The following CEP128 variants were observed in gnomAD, a reference collection of about 807,000 sequenced individuals.
CEP128 encodes the protein centrosomal protein 128.
CEP128 carries 132 observed loss-of-function variants against 156.7 expected under a neutral mutation model. The observed-to-expected ratio is 0.84, with a 90% CI of 0.73 to 0.97. The LOEUF is 0.97. Among genes scored for constraint, CEP128 ranks in the 50% least tolerant of loss-of-function variants. The pLI, the probability that CEP128 is intolerant of heterozygous loss-of-function variation, is 0.00. For missense variants in CEP128, 1,252 were observed against 1,281.9 expected (o/e 0.98, Z 0.36); for synonymous variants, 469 against 448.9 (o/e 1.04, Z -0.57).
rs540593415 is a variant in CEP128 at position 80,563,524 on chromosome 14, C to CTTTTTTTTTTTTTTTTTTTT, written c.2857-4242_2857-4223dup. 1.3e-4 allele frequency among the ~76,000 whole-genome samples: 10 copies of CTTTTTTTTTTTTTTTTTTTT among 78,876 alleles called. 2 individuals are homozygous for CTTTTTTTTTTTTTTTTTTTT. Among genetic ancestry groups the CTTTTTTTTTTTTTTTTTTTT allele is most frequent in the African/African-American group, 4.1e-4 (7 of 16,976 alleles). The allele number at this position is 78,876 out of a possible 152,430, so 51.7% of individuals were successfully genotyped here. ...GAAGCCTACCCATGGGCCTCCAAAT[C>CTTTTTTTTTTTTTTTTTTTT]TTTTTTTTTTTTTTTTTTTTTTTTT... On this transcript the variant is annotated intron_variant, in intron 20 of 24. Transcript: ENST00000555265.
chr14:80,821,735 G>C (rs188980256), intron 13 of CEP128, among the ~76,000 whole-genome samples: 82 of 151,686 alleles, frequency 5.4e-4, no homozygotes, highest in Non-Finnish European at 8.8e-4. Context: ...GAGTGAAGTG[G>C]TGTGAACATG....
intron 13 of CEP128, chr14:80,830,855 T>A (rs1012858042): frequency 5.7e-5 from 17 of 295,946 alleles, no homozygotes; most frequent in Admixed American, 1.9e-4. Context: ...AAGGGTTCAA[T>A]TGCTATTAGA....
chr14:80,567,610 T>C (rs1467540198), intron 20 of CEP128, among the ~76,000 whole-genome samples: 1 of 152,186 alleles, frequency 6.6e-6, no homozygotes, highest in Non-Finnish European at 1.5e-5. Context: ...CACAACGTAA[T>C]GTGGTACATA....
intron 19 of CEP128, among the ~76,000 whole-genome samples, chr14:80,673,925 T>C (rs1047597289): frequency 2.0e-5 from 3 of 152,062 alleles, no homozygotes; most frequent in Non-Finnish European, 2.9e-5. Context: ...TGGTCCTTTA[T>C]AGGAAATTGT....
chr14:80,751,866 G>T (rs186567835), intron 18 of CEP128, among the ~76,000 whole-genome samples: 59 of 152,238 alleles, frequency 3.9e-4, no homozygotes, highest in Non-Finnish European at 7.5e-4. Context: ...CCCAACCTCA[G>T]ATGAACTATC....
At chr14:80,596,844 G>GT (rs1185836912) in intron 19 of CEP128, among the ~76,000 whole-genome samples, 7 of 55,012 alleles carry the variant, frequency 1.3e-4, no homozygotes, top group South Asian at 6.8e-4. Flanking sequence ...AAAAAAAAAG[G>GT]TGGGGGGGGG....
At chr14:80,495,688 A>G (rs1887470115), downstream of CEP128, among the ~76,000 whole-genome samples, 1 of 152,134 alleles carries the variant, frequency 6.6e-6, no homozygotes, top group African/African-American at 2.4e-5. Flanking sequence ...AAATGACCAT[A>G]GATGCACTAA....
intron 19 of CEP128, among the ~76,000 whole-genome samples, chr14:80,656,975 G>A (rs1895198387): frequency 6.6e-6 from 1 of 152,132 alleles, no homozygotes; most frequent in African/African-American, 2.4e-5. Context: ...ATGGTGGCAT[G>A]GTGGCCGGGC....
At chr14:80,767,506 C>T (rs915857353) in intron 16 of CEP128, among the ~76,000 whole-genome samples, 3 of 151,828 alleles carry the variant, frequency 2.0e-5, no homozygotes, top group Admixed American at 6.6e-5. Flanking sequence ...GAAAAATCTC[C>T]GTGGATTTAC....
chr14:80,954,167 G>C (rs931500372), intron 2 of CEP128, among the ~76,000 whole-genome samples: 1 of 152,130 alleles, frequency 6.6e-6, no homozygotes, highest in Admixed American at 6.5e-5. Flanking sequence ...CTACTCGGGA[G>C]GCTGAGGCAG....
chr14:80,748,426 C>T (rs867750750), intron 18 of CEP128, among the ~76,000 whole-genome samples: 33 of 152,128 alleles, frequency 2.2e-4, no homozygotes, highest in African/African-American at 7.7e-4. Context: ...CACCATCCTC[C>T]TATGACAGTC....
intron 2 of CEP128, among the ~76,000 whole-genome samples, chr14:80,935,209 A>G (rs1004516051): frequency 6.6e-6 from 1 of 152,192 alleles, no homozygotes; most frequent in African/African-American, 2.4e-5. Flanking sequence ...AAACAGGTAT[A>G]CCAATGAGTA....
At chr14:80,890,085 T>TCAC (rs1377022243) in intron 8 of CEP128, among the ~76,000 whole-genome samples, 3 of 152,164 alleles carry the variant, frequency 2.0e-5, no homozygotes, top group Non-Finnish European at 4.4e-5. Flanking sequence ...AGATACCATC[T>TCAC]CACGCCAGTT....
At chr14:80,739,476 C>T (rs1349446398) in intron 19 of CEP128, among the ~76,000 whole-genome samples, 1 of 152,142 alleles carries the variant, frequency 6.6e-6, no homozygotes, top group Non-Finnish European at 1.5e-5. Context: ...AGCTAAACTT[C>T]CACCTGTTCG....
At chr14:80,817,257 A>G (rs1257495886) in intron 13 of CEP128, among the ~76,000 whole-genome samples, 1 of 152,260 alleles carries the variant, frequency 6.6e-6, no homozygotes, top group Non-Finnish European at 1.5e-5. Flanking sequence ...CAAAAGGTAG[A>G]GAACGAATCA....
intron 19 of CEP128, among the ~76,000 whole-genome samples, chr14:80,678,688 T>C (rs1441041685): frequency 6.6e-6 from 1 of 152,128 alleles, no homozygotes; most frequent in Non-Finnish European, 1.5e-5. Flanking sequence ...CTGGGGTCAA[T>C]GGAGAGCACT....
At chr14:80,606,363 C>CA (rs1892778531) in intron 19 of CEP128, among the ~76,000 whole-genome samples, 2 of 151,942 alleles carry the variant, frequency 1.3e-5, no homozygotes, top group African/African-American at 4.8e-5. Context: ...CTGGAAAATG[C>CA]AAAAAATATA....
At chr14:80,948,479 G>A (rs1412565495) in intron 2 of CEP128, among the ~76,000 whole-genome samples, 1 of 152,106 alleles carries the variant, frequency 6.6e-6, no homozygotes, top group Non-Finnish European at 1.5e-5. Context: ...AACCAAAATT[G>A]CAAAACATTT....
chr14:80,811,701 GTGTT>G (rs1189671088), intron 13 of CEP128, among the ~76,000 whole-genome samples: 3 of 133,046 alleles, frequency 2.3e-5, no homozygotes, highest in Non-Finnish European at 4.4e-5. Context: ...GTGTGTGTGT[GTGTT>G]TGAGAGTGTG....
Sources: gnomAD v4.1 joint callset for allele counts (sites outside exome capture counted in the v4.1 genomes callset) on GRCh38, gnomAD v4.1.1 for gene constraint, MANE v1.5 for transcripts, NCBI Gene and HGNC (gene_info 2026-07-23, HGNC 2026-07-21) for gene names.